Variants in ALK observed in about 807,000 individuals in gnomAD.
The protein encoded by ALK is ALK tyrosine kinase receptor.
Under a neutral mutation model 163.1 loss-of-function variants are expected in ALK, and 74 were observed. The observed-to-expected ratio is 0.45, with a 90% CI of 0.38 to 0.55. The LOEUF (loss-of-function observed/expected upper bound fraction) is 0.55. Among genes scored for constraint, ALK ranks in the 20% least tolerant of loss-of-function variants. The pLI, the probability that ALK is intolerant of heterozygous loss-of-function variation, is 0.00. For synonymous variants in ALK, 960 were observed against 843.2 expected (o/e 1.14, Z -2.40); for missense variants, 2,063 against 2,105.3 (o/e 0.98, Z 0.39).
At chr2:29,690,622 A>C (rs1394763085) in intron 3 of ALK, among the ~76,000 whole-genome samples, 2 of 152,216 alleles carry the variant, frequency 1.3e-5, no homozygotes, top group Non-Finnish European at 2.9e-5. Context: ...ATGGTTCTTC[A>C]AGATTTTAGT....
intron 5 of ALK, among the ~76,000 whole-genome samples, chr2:29,360,245 G>C (rs1028893756): frequency 6.6e-6 from 1 of 152,200 alleles, no homozygotes; most frequent in African/African-American, 2.4e-5. Flanking sequence ...GGCCTTCCCA[G>C]TCCTGGCCCT....
intron 1 of ALK, among the ~76,000 whole-genome samples, chr2:29,883,685 G>T (rs1376808080): frequency 6.6e-6 from 1 of 152,104 alleles, no homozygotes; most frequent in Non-Finnish European, 1.5e-5. Flanking sequence ...TCCTTGAAGA[G>T]TAAGATGGAA....
chr2:29,697,639 A>G (rs1678612512), intron 2 of ALK, among the ~76,000 whole-genome samples: 1 of 152,206 alleles, frequency 6.6e-6, no homozygotes, highest in Non-Finnish European at 1.5e-5. Context: ...AATAAGAAAA[A>G]ATGGGATAAT....
intron 22 of ALK, 189 bp from the exon 23 acceptor site, chr2:29,221,024 AAC>A: frequency 1.3e-6 from 1 of 765,474 alleles, no homozygotes; most frequent in South Asian, 1.5e-5. Context: ...AGGTGGGAAG[AAC>A]CACAGCAGGC....
intron 4 of ALK, among the ~76,000 whole-genome samples, chr2:29,497,085 A>G (rs1270630540): frequency 6.6e-6 from 1 of 152,162 alleles, no homozygotes; most frequent in Non-Finnish European, 1.5e-5. Context: ...AGCCTAGTCA[A>G]CATGGTGAAA....
intron 1 of ALK, among the ~76,000 whole-genome samples, chr2:29,908,292 AC>A (rs1667604710): frequency 6.6e-6 from 1 of 151,776 alleles, no homozygotes. Context: ...ACACACACAC[AC>A]ACACACACAC....
chr2:29,771,963 G>A (rs1451056382), intron 1 of ALK, among the ~76,000 whole-genome samples: 1 of 152,184 alleles, frequency 6.6e-6, no homozygotes, highest in Admixed American at 6.5e-5. Context: ...CTGAGGAGGG[G>A]CTCCTTCAGT....
chr2:29,822,134 A>G (rs566732840), intron 1 of ALK, among the ~76,000 whole-genome samples: 2 of 152,336 alleles, frequency 1.3e-5, no homozygotes, highest in Non-Finnish European at 2.9e-5. Context: ...CAGTAAAATC[A>G]GCTCCCAAGT....
chr2:29,733,687 T>C (rs1679810444), intron 1 of ALK, among the ~76,000 whole-genome samples: 1 of 152,144 alleles, frequency 6.6e-6, no homozygotes, highest in African/African-American at 2.4e-5. Context: ...CTGGGCAAAA[T>C]ATGGGCCCAG....
At chr2:29,296,477 T>G (rs886594105) in intron 9 of ALK, among the ~76,000 whole-genome samples, 4 of 152,242 alleles carry the variant, frequency 2.6e-5, no homozygotes, top group Non-Finnish European at 5.9e-5. Flanking sequence ...CTTGCAGGTT[T>G]TCTTGTTAAT....
chr2:29,547,357 G>T lies in ALK; in HGVS notation c.953-15241C>A, dbSNP rs547660049. Among the ~76,000 whole-genome samples, 6 of 152,312 alleles carry T rather than the reference G, an allele frequency of 3.9e-5. 1 individual carries two copies. Among genetic ancestry groups the T allele is most frequent in the African/African-American group, 1.4e-4 (6 of 41,564 alleles). On this transcript the variant is annotated intron_variant, in intron 3 of 28. Transcript: ENST00000389048. ...CATGCCTGTAATCCCAGCATTTTGG[G>T]AGGCCGAGGTGGGCAGATTGCCTCA...
intron 1 of ALK, among the ~76,000 whole-genome samples, chr2:29,802,035 C>G (rs72854266): frequency 0.24 from 36,421 of 151,884 alleles, 6,567 homozygotes; most frequent in African/African-American, 0.51. Flanking sequence ...GTAAGGAAAA[C>G]TGTACAATCA....
intron 15 of ALK, among the ~76,000 whole-genome samples, chr2:29,230,435 T>C (rs994576427): frequency 6.6e-6 from 1 of 151,854 alleles, no homozygotes; most frequent in African/African-American, 2.4e-5. Context: ...GACCTGGAAA[T>C]TGATGGTGGA....
In ALK at chr2:29,411,617, G is replaced by A. The variant is rs1042109724; in HGVS notation, c.1155-27758C>T. 2.0e-5 allele frequency among the ~76,000 whole-genome samples: 3 copies of A among 152,112 alleles called. 1 individual carries two copies. Among genetic ancestry groups the A allele is most frequent in the Non-Finnish European group, 4.4e-5 (3 of 68,020 alleles). ...CAAACTTTTTGAGGACCTTGTTGAG[G>A]TCTGGAAAAGCTTCTGCTAAACCCT... On this transcript the variant is annotated intron_variant, in intron 4 of 28. Transcript: ENST00000389048.
intron 1 of ALK, among the ~76,000 whole-genome samples, chr2:29,883,481 T>C (rs1205092711): frequency 2.0e-5 from 3 of 152,246 alleles, no homozygotes; most frequent in Non-Finnish European, 4.4e-5. Flanking sequence ...TGCATGATGA[T>C]GAATTTCTGA....
intron 1 of ALK, among the ~76,000 whole-genome samples, chr2:29,886,782 G>C (rs931008409): frequency 5.9e-5 from 9 of 152,194 alleles, no homozygotes; most frequent in African/African-American, 9.7e-5. Flanking sequence ...AGCTCAAAAG[G>C]TTTTTATGAA....
chr2:29,385,963 T>C (rs1669022255), intron 4 of ALK, among the ~76,000 whole-genome samples: 1 of 152,234 alleles, frequency 6.6e-6, no homozygotes, highest in Non-Finnish European at 1.5e-5. Context: ...AGGCATATCG[T>C]CAATCCTGCC....
chr2:29,227,456 G>T lies in ALK; in HGVS notation c.2914+118C>A. On this transcript the variant is annotated intron_variant, in intron 17 of 28. Coordinates refer to ENST00000389048, the MANE Select transcript of ALK (RefSeq NM_004304.5). This position sits in a 1 kb window ranked among gnomAD's most constrained non-coding sequence, Gnocchi z 4.4. ...GACCTGCGCCATAGGAAGCTTGCCT[G>T]CCAGGGACCCATAATTGTGCCTCTG... 1.1e-6 allele frequency: 1 copy of T among 943,182 alleles called. No homozygotes were observed. The highest frequency in any genetic ancestry group is 1.8e-6 in the Non-Finnish European group (1 of 570,274). 58.4% of individuals were successfully genotyped at this position (943,182 alleles called of 1,614,324 possible). A position where few individuals can be genotyped will look rare whatever the true frequency, so the allele number is the denominator to read the frequency against.
At chr2:29,232,177 C>G (rs2148183120) in intron 15 of ALK, 127 bp downstream of exon 15, 7 of 1,336,226 alleles carry the variant, frequency 5.2e-6, no homozygotes, top group Non-Finnish European at 7.5e-6. Flanking sequence ...GATATCGGTA[C>G]CAATATTCAG....
Sources: allele counts gnomAD v4.1 joint callset (sites outside exome capture counted in the v4.1 genomes callset), GRCh38; gene constraint gnomAD v4.1.1; non-coding constraint Gnocchi (gnomAD v3.1); transcripts MANE v1.5; gene names NCBI Gene and HGNC (gene_info 2026-07-23, HGNC 2026-07-21).